The following VWF variants were observed in gnomAD, a reference collection of about 807,000 sequenced individuals.
The protein encoded by VWF is von Willebrand factor, also known as Factor VIII related antigen.
Under a neutral mutation model 308.6 loss-of-function variants are expected in VWF, and 176 were observed. The ratio of observed to expected loss-of-function variants is 0.57; its 90% CI spans 0.50 to 0.65. The LOEUF (loss-of-function observed/expected upper bound fraction) is 0.65. Ranked by LOEUF, VWF falls within the 30% of genes least tolerant of loss-of-function variation. The pLI, the probability that VWF is intolerant of heterozygous loss-of-function variation, is 0.00. For synonymous variants in VWF, 1,385 were observed against 1,443.4 expected, an observed-to-expected ratio of 0.96 and a Z score of 0.92; for missense variants, 3,146 against 3,648.2, an observed-to-expected ratio of 0.86 and a Z score of 3.55.
At chr12:5,977,712 C>T (rs1286764185) in intron 42 of VWF, among the ~76,000 whole-genome samples, 1 of 151,586 alleles carries the variant, frequency 6.6e-6, no homozygotes, top group African/African-American at 2.4e-5. Flanking sequence ...TCTACAAAAA[C>T]ATACAAAAAT....
intron 4 of VWF, 61 bp downstream of exon 4, chr12:6,110,805 A>T (rs1054077106): frequency 6.4e-7 from 1 of 1,552,644 alleles, no homozygotes. Context: ...TCATCTAAAA[A>T]TGAGGGGGTT....
At chr12:6,082,354 GGTAA>G (rs1396491924) in intron 6 of VWF, among the ~76,000 whole-genome samples, 1 of 152,116 alleles carries the variant, frequency 6.6e-6, no homozygotes, top group Non-Finnish European at 1.5e-5. Context: ...TATCTAATAT[GGTAA>G]GTATCAAGAG....
intron 13 of VWF, among the ~76,000 whole-genome samples, chr12:6,059,030 A>G (rs1387732599): frequency 6.6e-6 from 1 of 152,096 alleles, no homozygotes; most frequent in Non-Finnish European, 1.5e-5. Flanking sequence ...CAGCTCTTAG[A>G]GCCCCTTTTC....
At chr12:6,081,748 G>A (rs1041222010) in intron 6 of VWF, among the ~76,000 whole-genome samples, 2 of 152,130 alleles carry the variant, frequency 1.3e-5, no homozygotes, top group South Asian at 2.1e-4. Context: ...GATGCTATTT[G>A]CAATTTTTTC....
intron 6 of VWF, among the ~76,000 whole-genome samples, chr12:6,084,590 A>T (rs1414818311): frequency 1.3e-5 from 2 of 152,176 alleles, no homozygotes; most frequent in Non-Finnish European, 2.9e-5. Flanking sequence ...GAGAAAGCAG[A>T]GCCAGAGATC....
At chr12:6,104,964 G>T (rs945044110) in intron 5 of VWF, among the ~76,000 whole-genome samples, 6 of 152,146 alleles carry the variant, frequency 3.9e-5, no homozygotes, top group Non-Finnish European at 7.3e-5. Context: ...GGTGGGATTG[G>T]AGGTCATTAT....
intron 18 of VWF, among the ~76,000 whole-genome samples, chr12:6,038,496 C>G (rs1944361615): frequency 8.6e-6 from 1 of 116,774 alleles, no homozygotes; most frequent in Admixed American, 8.8e-5. Flanking sequence ...TTACCTCTCG[C>G]CATGATATTC....
intron 47 of VWF, among the ~76,000 whole-genome samples, chr12:5,966,391 C>T (rs1943404716): frequency 6.6e-6 from 1 of 152,178 alleles, no homozygotes; most frequent in South Asian, 2.1e-4. Flanking sequence ...TTACCTTCTT[C>T]CTAATTAAGG....
At chr12:5,970,564 A>G (rs1442711812) in intron 44 of VWF, among the ~76,000 whole-genome samples, 1 of 152,162 alleles carries the variant, frequency 6.6e-6, no homozygotes, top group African/African-American at 2.4e-5. Flanking sequence ...TGGGAGCAGA[A>G]GCACTAAAAG....
chr12:6,078,078 C>T (rs1944866044), intron 6 of VWF, among the ~76,000 whole-genome samples: 2 of 152,156 alleles, frequency 1.3e-5, no homozygotes, highest in South Asian at 4.1e-4. Flanking sequence ...TCCTGGCCTC[C>T]AGAGAGATCC....
At chr12:6,041,441 TA>T (rs777198524) in intron 18 of VWF, among the ~76,000 whole-genome samples, 150 of 149,246 alleles carry the variant, frequency 1.0e-3, no homozygotes, top group African/African-American at 3.1e-3. Context: ...AAAAAATTTT[TA>T]AAAAAAAAAG....
At chr12:5,970,716 G>A (rs542358807) in intron 44 of VWF, among the ~76,000 whole-genome samples, 5 of 152,172 alleles carry the variant, frequency 3.3e-5, no homozygotes, top group Non-Finnish European at 7.4e-5. Context: ...TAGGAGATGG[G>A]AAAGGCTCAG....
intron 10 of VWF, among the ~76,000 whole-genome samples, chr12:6,069,352 A>T (rs1944756579): frequency 1.3e-5 from 2 of 152,100 alleles, no homozygotes; most frequent in South Asian, 4.1e-4. Context: ...CCTTGATGCC[A>T]CCTAAAACTG....
chr12:6,109,580 T>G (rs937175955), intron 5 of VWF, among the ~76,000 whole-genome samples: 3 of 152,230 alleles, frequency 2.0e-5, no homozygotes, highest in Admixed American at 6.5e-5. Context: ...GTGTTTAGCT[T>G]TGGCAAGGGA....
chr12:6,011,790 C>G lies in VWF; in HGVS notation c.5669G>C (p.Gly1890Ala), dbSNP rs1321740824. Residue 1890 changes from glycine to alanine, a missense_variant, in exon 34 of 52, where the codon GGG becomes GCG. By Grantham distance (60) the Gly-to-Ala change is moderately conservative (BLOSUM62 0). Transcript: ENST00000261405. Reference protein sequence around the residue: ...MDEDGNEKRPGDVWTLPDQCH... With the variant: ...MDEDGNEKRPADVWTLPDQCH... ...CTGGTCTGGCAAGGTCCAGACGTCCCCGGGCTGCAGAAGAAAACAGCAGAT... is the reference window on the plus strand; with the variant it reads ...CTGGTCTGGCAAGGTCCAGACGTCCGCGGGCTGCAGAAGAAAACAGCAGAT... 1 of 1,609,962 alleles carries G rather than the reference C, an allele frequency of 6.2e-7. No homozygotes were observed. The highest frequency in any genetic ancestry group is 8.5e-7 in the Non-Finnish European group (1 of 1,177,050).
chr12:6,083,031 T>A (rs886458937), intron 6 of VWF, among the ~76,000 whole-genome samples: 1 of 152,146 alleles, frequency 6.6e-6, no homozygotes, highest in Non-Finnish European at 1.5e-5. Context: ...TTTTTTTAGA[T>A]GAAGTCTCGC....
Position 6,013,524 on chromosome 12 carries a change from G to C in VWF, c.5577C>G (p.Thr1859=). 2 of 1,614,142 alleles carry C rather than the reference G, an allele frequency of 1.2e-6. No individual in the cohort carries two copies. Among genetic ancestry groups the C allele is most frequent in the Non-Finnish European group, 1.7e-6 (2 of 1,180,008 alleles). ...VKLQRIEDLP[T]MVTLGNSFLH... ...GGAAGGAATTGCCCAAGGTGACCAT[G>C]GTAGGGAGGTCTTCGATTCGCTGGA... Residue 1859 remains threonine, a synonymous_variant, in exon 32 of 52, where the codon ACC becomes ACG. Transcript: ENST00000261405.
At chr12:6,064,543 C>T (rs921063584) in intron 11 of VWF, among the ~76,000 whole-genome samples, 159 bp from the exon 12 acceptor site, 1 of 152,158 alleles carries the variant, frequency 6.6e-6, no homozygotes, top group Non-Finnish European at 1.5e-5. Flanking sequence ...GTGAATGGGG[C>T]CCCCTAGAGT....
intron 47 of VWF, among the ~76,000 whole-genome samples, chr12:5,967,086 C>G (rs1943411886): frequency 6.6e-6 from 1 of 152,206 alleles, no homozygotes; most frequent in African/African-American, 2.4e-5. Flanking sequence ...GAGGCACATC[C>G]ATTCAAAGGA....
Sources: gnomAD v4.1 joint callset for allele counts (sites outside exome capture counted in the v4.1 genomes callset) on GRCh38, gnomAD v4.1.1 for gene constraint, MANE v1.5 for transcripts, NCBI Gene and HGNC (gene_info 2026-07-23, HGNC 2026-07-21) for gene names.